PCDHGB4: variants seen among roughly 807,000 people sequenced by gnomAD.
PCDHGB4 encodes the protein protocadherin gamma subfamily B, 4, also known as protocadherin gamma-B4.
Under a neutral mutation model 60.5 loss-of-function variants are expected in PCDHGB4, and 38 were observed. The ratio of observed to expected loss-of-function variants is 0.63; its 90% CI spans 0.48 to 0.82. The LOEUF (loss-of-function observed/expected upper bound fraction) is 0.82, where lower values mean the gene tolerates loss of function less well. PCDHGB4 is among the 40% of genes least tolerant of loss of function. The pLI, the probability that PCDHGB4 is intolerant of heterozygous loss-of-function variation, is 0.00. For synonymous variants in PCDHGB4, 456 were observed against 509.7 expected (o/e 0.89, Z 1.42); for missense variants, 1,109 against 1,209.6 (o/e 0.92, Z 1.23).
intron 3 of PCDHGB4, among the ~76,000 whole-genome samples, chr5:141,507,772 A>C (rs2099863177): frequency 6.6e-6 from 1 of 152,332 alleles, no homozygotes; most frequent in South Asian, 2.1e-4. Flanking sequence ...TGGCCCACAC[A>C]GGGCCTGACC....
Position 141,491,944 on chromosome 5 carries a change from C to T in PCDHGB4, c.2398-2863C>T, listed in dbSNP as rs1245968796. ...CGAGGGGAGGTGGGACCGACCCCCACCCCTACACTCAAAAAAGGCCGGGGC... is the reference window on the plus strand; with the variant it reads ...CGAGGGGAGGTGGGACCGACCCCCATCCCTACACTCAAAAAAGGCCGGGGC... On this transcript the variant is annotated intron_variant, in intron 1 of 3. Transcript: ENST00000519479. This position sits in a 1 kb window ranked among gnomAD's most constrained non-coding sequence, Gnocchi z 6.9. The T allele has an allele frequency of 1.8e-6, 2 of 1,120,156 alleles. No individual in the cohort carries two copies. Among genetic ancestry groups the T allele is most frequent in the Non-Finnish European group, 2.4e-6 (2 of 822,072 alleles). The allele number at this position is 1,120,156 out of a possible 1,614,324, so 69.4% of individuals were successfully genotyped here. A position where few individuals can be genotyped will look rare whatever the true frequency, so the allele number is the denominator to read the frequency against.
Position 141,408,776 on chromosome 5 carries a change from C to T in PCDHGB4, c.2397+18495C>T, listed in dbSNP as rs748401410. 54 of 1,611,566 alleles carry T rather than the reference C, an allele frequency of 3.4e-5. No homozygotes were observed. The highest frequency in any genetic ancestry group is 4.4e-5 in the Non-Finnish European group (52 of 1,178,840). On this transcript the variant is annotated intron_variant, in intron 1 of 3. Coordinates refer to ENST00000519479, the MANE Select transcript of PCDHGB4 (RefSeq NM_003736.4). Reference sequence around the variant, plus strand: ...AGTTAATTCCGATGGTGGCAAATACCCAGAGTTATCTCTGGAGAAACTCCT... The same window carrying T: ...AGTTAATTCCGATGGTGGCAAATACTCAGAGTTATCTCTGGAGAAACTCCT...
chr5:141,476,455 G>C lies in PCDHGB4; in HGVS notation c.2398-18352G>C, dbSNP rs572682842. On this transcript the variant is annotated intron_variant, in intron 1 of 3. Transcript: ENST00000519479. The surrounding 1 kb of genome is among the most constrained non-coding windows in gnomAD (Gnocchi z 7.6). ...CTGTAACTCTGGAGTTGGTAGTGGA[G>C]AACCCGCTGGAGCTGTTCAGCGTGG... 22 of 1,614,152 alleles carry C rather than the reference G, an allele frequency of 1.4e-5. No homozygotes were observed. In the South Asian group the frequency reaches 2.4e-4, roughly 18 times the overall value.
In PCDHGB4 at chr5:141,511,116, G is replaced by A. The variant is rs2099883616; in HGVS notation, c.2715G>A (p.Lys905=). Residue 905 remains lysine, a synonymous_variant, in exon 4 of 4, where the codon AAG becomes AAA. Transcript: ENST00000519479. The stretch of plus-strand genomic sequence containing the variant: ...ACGCAGCTGGCAAGCGGGATGGCAA[G>A]GCCCCAGCAGGTGGCAATGGCAACA... ...LTNAAGKRDG[K]APAGGNGNKK... The A allele has an allele frequency of 1.9e-6, 3 of 1,614,234 alleles. No individual in the cohort carries two copies. The highest frequency in any genetic ancestry group is 2.5e-6 in the Non-Finnish European group (3 of 1,180,026).
At chr5:141,460,912 GTA>G (rs34683754) in intron 1 of PCDHGB4, among the ~76,000 whole-genome samples, 12 of 149,310 alleles carry the variant, frequency 8.0e-5, no homozygotes, top group African/African-American at 7.4e-5. Flanking sequence ...ATTCCATGGT[GTA>G]TATATATATA....
At chr5:141,394,821 G>A (rs2093106496) in intron 1 of PCDHGB4, 2 of 1,613,744 alleles carry the variant, frequency 1.2e-6, no homozygotes, top group East Asian at 2.2e-5. Flanking sequence ...CAGCATCCCC[G>A]AAGTCCTGAC....
chr5:141,443,216 C>T (rs758242896), intron 1 of PCDHGB4, among the ~76,000 whole-genome samples: 3 of 151,908 alleles, frequency 2.0e-5, no homozygotes, highest in South Asian at 2.1e-4. Context: ...TCTCGCCAGG[C>T]GCATCTATAA....
chr5:141,478,121 G>T lies in PCDHGB4; in HGVS notation c.2398-16686G>T. On this transcript the variant is annotated intron_variant, in intron 1 of 3. Coordinates refer to ENST00000519479, the MANE Select transcript of PCDHGB4 (RefSeq NM_003736.4). ...TACCCTCACTGTGTCAGTAACCGAG[G>T]ACTCTCCTGAAGCCCGAGCCGAGTT... 2.5e-6 allele frequency: 4 copies of T among 1,614,036 alleles called. No individual in the cohort carries two copies. In the African/African-American group the frequency reaches 4.0e-5, roughly 16 times the overall value.
intron 1 of PCDHGB4, chr5:141,478,242 T>C (rs750487479): frequency 6.2e-7 from 1 of 1,614,156 alleles, no homozygotes; most frequent in Admixed American, 1.7e-5. Context: ...GTGGTCACAG[T>C]GTTCGGAGTA....
intron 1 of PCDHGB4, chr5:141,399,381 C>T: frequency 1.2e-6 from 2 of 1,613,982 alleles, no homozygotes; most frequent in Non-Finnish European, 8.5e-7. Flanking sequence ...ATGTCACCAT[C>T]ACAGCCACAG....
In PCDHGB4 at chr5:141,476,065, G is replaced by T; in HGVS notation, c.2398-18742G>T. ...GCTAACCCGCTGAAAGTTTCTCAGC[G>T]AAATCTCAGGGACGATCTGGACCCC... is the stretch of plus-strand genomic sequence containing the variant. On this transcript the variant is annotated intron_variant, in intron 1 of 3. Coordinates refer to ENST00000519479, the MANE Select transcript of PCDHGB4 (RefSeq NM_003736.4). This position sits in a 1 kb window ranked among gnomAD's most constrained non-coding sequence, Gnocchi z 7.6. 6.6e-7 allele frequency: 1 copy of T among 1,511,444 alleles called. No homozygotes were observed. The highest frequency in any genetic ancestry group is 1.3e-5 in the South Asian group (1 of 76,164). The allele number at this position is 1,511,444 out of a possible 1,614,324, so 93.6% of individuals were successfully genotyped here.
intron 1 of PCDHGB4, among the ~76,000 whole-genome samples, chr5:141,452,276 C>A (rs1160292593): frequency 2.6e-5 from 4 of 152,172 alleles, no homozygotes; most frequent in Admixed American, 6.5e-5. Flanking sequence ...TGAACCCTTT[C>A]TTACTTTCTG....
Position 141,409,297 on chromosome 5 carries a change from T to TGTGAATG in PCDHGB4, c.2397+19018_2397+19019insGAATGGT, listed in dbSNP as rs774936669. On this transcript the variant is annotated intron_variant, in intron 1 of 3. Transcript: ENST00000519479. ...TGGAGAATTCACCTCCAGGAATGGT[T>TGTGAATG]GTTGCCCTCTTCAAAACACGGGATC... The TGTGAATG allele has an allele frequency of 1.3e-5, 21 of 1,613,888 alleles. No homozygotes were observed. In the African/African-American group the frequency reaches 2.7e-4, roughly 21 times the overall value.
Position 141,432,477 on chromosome 5 carries a change from C to G in PCDHGB4, c.2397+42196C>G. On this transcript the variant is annotated intron_variant, in intron 1 of 3. Coordinates refer to ENST00000519479, the MANE Select transcript of PCDHGB4 (RefSeq NM_003736.4). This position sits in a 1 kb window ranked among gnomAD's most constrained non-coding sequence, Gnocchi z 6.0. ...CCCGCCCTCCCCACGGACGGTTCCA[C>G]TGGCGTGGAGCTGGCTCCCCGCTCC... 3 of 1,614,212 alleles carry G rather than the reference C, an allele frequency of 1.9e-6. No homozygotes were observed. Among genetic ancestry groups the G allele is most frequent in the Non-Finnish European group, 1.7e-6 (2 of 1,180,044 alleles).
chr5:141,414,116 A>C (rs760214999), intron 1 of PCDHGB4: 2 of 1,592,434 alleles, frequency 1.3e-6, no homozygotes, highest in Non-Finnish European at 1.7e-6. Context: ...CTAGATTATG[A>C]AGAAACCGGT....
Position 141,476,757 on chromosome 5 carries a change from T to C in PCDHGB4, c.2398-18050T>C. On this transcript the variant is annotated intron_variant, in intron 1 of 3. Coordinates refer to ENST00000519479, the MANE Select transcript of PCDHGB4 (RefSeq NM_003736.4). This position sits in a 1 kb window ranked among gnomAD's most constrained non-coding sequence, Gnocchi z 7.6. ...CGGGAGCCTAGTCTCCAGTTAGTGC[T>C]GACGGCGTTGGACGGAGGGACCCCA... 1.2e-6 allele frequency: 2 copies of C among 1,613,906 alleles called. No individual in the cohort carries two copies. The highest frequency in any genetic ancestry group is 1.7e-6 in the Non-Finnish European group (2 of 1,180,004).
intron 1 of PCDHGB4, chr5:141,394,079 G>A (rs375995047): frequency 5.0e-6 from 8 of 1,613,706 alleles, no homozygotes; most frequent in Non-Finnish European, 5.9e-6. Context: ...ATATCACAGT[G>A]ATGGCCTCAG....
At chr5:141,433,640 A>C (rs2097637476) in intron 1 of PCDHGB4, among the ~76,000 whole-genome samples, 2 of 152,138 alleles carry the variant, frequency 1.3e-5, no homozygotes, top group South Asian at 2.1e-4. Flanking sequence ...GTTTGAGACC[A>C]GCCTGACCAA....
At chr5:141,444,804 A>G (rs140326088) in intron 1 of PCDHGB4, among the ~76,000 whole-genome samples, 1 of 152,250 alleles carries the variant, frequency 6.6e-6, no homozygotes, top group Non-Finnish European at 1.5e-5. Flanking sequence ...TCTTTTACTA[A>G]TAGCACACTG....
Sources: allele counts gnomAD v4.1 joint callset (sites outside exome capture counted in the v4.1 genomes callset), GRCh38; gene constraint gnomAD v4.1.1; non-coding constraint Gnocchi (gnomAD v3.1); transcripts MANE v1.5; gene names NCBI Gene and HGNC (gene_info 2026-07-23, HGNC 2026-07-21).